Variants in MDN1 observed in about 807,000 individuals in gnomAD.
MDN1 encodes midasin AAA ATPase 1.
A neutral mutation model predicts 669.2 loss-of-function variants in MDN1; 266 were observed. The observed-to-expected ratio is 0.40, with a 90% CI of 0.36 to 0.44. MDN1 has a LOEUF of 0.44. Ranked by LOEUF, MDN1 falls within the 20% of genes least tolerant of loss-of-function variation. The pLI is 1.00. For missense variants in MDN1, 5,940 were observed against 6,754.0 expected (o/e 0.88, Z 4.22); for synonymous variants, 2,385 against 2,457.1 (o/e 0.97, Z 0.87).
At chr6:89,685,468 T>C (rs1362130785) in intron 70 of MDN1, among the ~76,000 whole-genome samples, 6 of 152,138 alleles carry the variant, frequency 3.9e-5, no homozygotes, top group African/African-American at 1.4e-4. Flanking sequence ...AGTTCCTTGA[T>C]GGCTGGCAGT....
At chr6:89,701,790 A>G (rs1584226097) in intron 54 of MDN1, 112 bp from the exon 55 acceptor site, 5 of 1,520,048 alleles carry the variant, frequency 3.3e-6, no homozygotes, top group South Asian at 1.3e-5. Flanking sequence ...ACATTCACCA[A>G]TATGCCAAGG....
chr6:89,772,500 G>T (rs1818137109), intron 14 of MDN1, 73 bp downstream of exon 14: 7 of 1,543,104 alleles, frequency 4.5e-6, no homozygotes, highest in Non-Finnish European at 6.2e-6. Context: ...TTTGGATTTA[G>T]TATTTTTAAA....
At chr6:89,809,480 A>C (rs1426371678) in intron 1 of MDN1, among the ~76,000 whole-genome samples, 1 of 151,974 alleles carries the variant, frequency 6.6e-6, no homozygotes, top group Non-Finnish European at 1.5e-5. Context: ...ATAATACAAA[A>C]GTTAGCCAGG....
intron 59 of MDN1, among the ~76,000 whole-genome samples, chr6:89,698,589 C>T (rs1812934665): frequency 2.0e-5 from 3 of 152,120 alleles, no homozygotes; most frequent in Admixed American, 1.3e-4. Flanking sequence ...CATATATCTG[C>T]ACTGTTTAAA....
At chr6:89,805,990 T>C (rs902133917) in intron 1 of MDN1, among the ~76,000 whole-genome samples, 6 of 152,048 alleles carry the variant, frequency 3.9e-5, no homozygotes, top group African/African-American at 1.4e-4. Context: ...CAGACTGAAG[T>C]ACAGTGGTAA....
At chr6:89,681,478 G>A (rs1811612388) in intron 73 of MDN1, among the ~76,000 whole-genome samples, 1 of 151,924 alleles carries the variant, frequency 6.6e-6, no homozygotes, top group Non-Finnish European at 1.5e-5. Flanking sequence ...CTCAGACACA[G>A]GAATTCAGAT....
intron 85 of MDN1, among the ~76,000 whole-genome samples, chr6:89,663,449 A>G (rs1584117671): frequency 1.3e-5 from 2 of 152,222 alleles, no homozygotes; most frequent in Non-Finnish European, 2.9e-5. Flanking sequence ...CCTTAGGCCA[A>G]CTGCCACTAA....
At chr6:89,744,661 C>A (rs1011815776) in intron 29 of MDN1, among the ~76,000 whole-genome samples, 12 of 151,976 alleles carry the variant, frequency 7.9e-5, no homozygotes, top group African/African-American at 2.9e-4. Flanking sequence ...CCTCAGCCTC[C>A]CAAAGTTCTG....
chr6:89,750,208 A>G (rs1276267859), intron 24 of MDN1, 146 bp downstream of exon 24: 16 of 794,550 alleles, frequency 2.0e-5, no homozygotes, highest in Non-Finnish European at 3.0e-5. Flanking sequence ...ATCACCCCTT[A>G]ACTATCTTAG....
At chr6:89,716,039 C>G (rs572624589) in intron 44 of MDN1, among the ~76,000 whole-genome samples, 2 of 152,306 alleles carry the variant, frequency 1.3e-5, no homozygotes, top group Non-Finnish European at 2.9e-5. Context: ...GTTCCTTGCA[C>G]TATAACCTTT....
In MDN1 at chr6:89,758,328, A is replaced by T. The variant is rs778810697; in HGVS notation, c.2629T>A (p.Phe877Ile). Reference protein sequence around the residue: ...DTEPLVRHPDFRLFACMNPAT... With the variant: ...DTEPLVRHPDIRLFACMNPAT... ...GGATTCATACAGGCAAATAAACGGA[A>T]GTCAGGATGCCGAACCAGTGGCTCT... Residue 877 changes from phenylalanine to isoleucine, a missense_variant, in exon 19 of 102, where the codon TTC (phenylalanine) becomes ATC (isoleucine). Phe to Ile is a conservative substitution (Grantham distance 21). Coordinates refer to ENST00000369393, the MANE Select transcript of MDN1 (RefSeq NM_014611.3). 5.0e-6 allele frequency: 8 copies of T among 1,610,860 alleles called. No homozygotes were observed. The South Asian group carries it at 8.9e-5, about 18-fold the overall frequency.
At chr6:89,709,494 AC>A (rs1212234696) in intron 50 of MDN1, among the ~76,000 whole-genome samples, 4 of 152,236 alleles carry the variant, frequency 2.6e-5, no homozygotes, top group Non-Finnish European at 5.9e-5. Flanking sequence ...TGTAAAAGTT[AC>A]AATCCTCTCA....
chr6:89,680,760 C>A lies in MDN1; in HGVS notation c.12103-9G>T. On this transcript the variant is annotated splice_polypyrimidine_tract_variant and intron_variant, in intron 73 of 101. Coordinates refer to ENST00000369393, the MANE Select transcript of MDN1 (RefSeq NM_014611.3). ...CACTCTGGAATTGTGGCCTGTGAGA[C>A]AAAAGACAGGTTAGCCTCACTGCCA... The A allele has an allele frequency of 1.2e-6, 2 of 1,612,640 alleles. No individual in the cohort carries two copies. The highest frequency in any genetic ancestry group is 1.7e-4 in the Middle Eastern group (1 of 6,054).
intron 12 of MDN1, among the ~76,000 whole-genome samples, chr6:89,775,535 A>G (rs1166890432): frequency 2.0e-5 from 3 of 152,232 alleles, no homozygotes; most frequent in Admixed American, 6.5e-5. Context: ...TCTAGACACC[A>G]GTGCCACTGC....
chr6:89,778,103 G>C (rs1333397849), intron 11 of MDN1, among the ~76,000 whole-genome samples: 1 of 151,546 alleles, frequency 6.6e-6, no homozygotes, highest in African/African-American at 2.4e-5. Context: ...GTTACAATCT[G>C]ATCTATTTTT....
intron 6 of MDN1, 63 bp downstream of exon 6, chr6:89,790,096 A>G (rs1819172779): frequency 6.2e-6 from 10 of 1,608,858 alleles, no homozygotes; most frequent in Non-Finnish European, 5.9e-6. Flanking sequence ...TAGCAAAAGC[A>G]ATATTTTAAT....
intron 27 of MDN1, among the ~76,000 whole-genome samples, chr6:89,746,757 A>C (rs1816658372): frequency 6.6e-6 from 1 of 152,198 alleles, no homozygotes; most frequent in South Asian, 2.1e-4. Flanking sequence ...CTAGCCCATT[A>C]ATCAATCATC....
At position 89,803,482 on chromosome 6, in the gene MDN1, C is replaced by T. The variant is rs749587766; in HGVS notation, c.175G>A (p.Val59Met). ...AQLLLDKDCT[V>M]LVGRQLRPLL... is the part of the protein sequence containing the mutation. ...GGGCGAAGCTGGCGACCAACCAGCA[C>T]AGTACAGTCCTTATCCAAAAGCAAC... The change falls in exon 2 of 102, where the codon GTG becomes ATG. Residue 59 changes from valine to methionine, a missense_variant. By Grantham distance (21) the Val-to-Met change is conservative. Coordinates refer to ENST00000369393, the MANE Select transcript of MDN1 (RefSeq NM_014611.3). The T allele has an allele frequency of 7.4e-6, 12 of 1,614,004 alleles. No individual in the cohort carries two copies. The South Asian group carries it at 1.2e-4, about 16-fold the overall frequency.
chr6:89,802,887 T>C (rs1168574973), intron 2 of MDN1, among the ~76,000 whole-genome samples: 2 of 152,232 alleles, frequency 1.3e-5, no homozygotes, highest in African/African-American at 4.8e-5. Flanking sequence ...ACACAGCTCT[T>C]AGTATACTAA....
Sources: gnomAD v4.1 joint callset for allele counts (sites outside exome capture counted in the v4.1 genomes callset) on GRCh38, gnomAD v4.1.1 for gene constraint, MANE v1.5 for transcripts, NCBI Gene and HGNC (gene_info 2026-07-23, HGNC 2026-07-21) for gene names.